Variants in DPM1 observed in about 807,000 individuals in gnomAD.
DPM1 encodes the protein dolichyl-phosphate mannosyltransferase subunit 1, catalytic.
In DPM1, 27 loss-of-function variants were observed where a neutral mutation model predicts 39.0. That is an observed-to-expected ratio of 0.69 (90% CI 0.51 to 0.95). DPM1 has a LOEUF of 0.95. Among genes scored for constraint, DPM1 ranks in the 40% least tolerant of loss-of-function variants. DPM1 has a pLI of 0.00. For synonymous variants in DPM1, 124 were observed against 109.0 expected (o/e 1.14, Z -0.86); for missense variants, 307 against 315.6 (o/e 0.97, Z 0.21).
At chr20:50,941,809 C>T (rs1024386819) in intron 6 of DPM1, among the ~76,000 whole-genome samples, 1 of 152,052 alleles carries the variant, frequency 6.6e-6, no homozygotes, top group Admixed American at 6.6e-5. Context: ...TGAATGAGAC[C>T]ATTTCTACCA....
At chr20:50,956,681 GAACA>G (rs1986837876) in intron 1 of DPM1, among the ~76,000 whole-genome samples, 1 of 152,202 alleles carries the variant, frequency 6.6e-6, no homozygotes, top group Non-Finnish European at 1.5e-5. Context: ...TCCAAGAGTA[GAACA>G]ATGACTTTGG....
intron 7 of DPM1, among the ~76,000 whole-genome samples, chr20:50,939,359 T>C (rs2123077221): frequency 6.6e-6 from 1 of 151,378 alleles, no homozygotes; most frequent in East Asian, 2.0e-4. Context: ...ATCAGAGATC[T>C]TTTTTGTTTT....
At chr20:50,941,227 A>AAAATATATATATATATATATATATAT (rs751974533) in intron 6 of DPM1, 1 of 60,784 alleles carries the variant, frequency 1.6e-5, no homozygotes. Context: ...AAAAAAAGTG[A>AAAATATATATATATATATATATATAT]ATATATATAT....
At chr20:50,955,452 T>C (rs1240186267) in intron 1 of DPM1, among the ~76,000 whole-genome samples, 167 bp from the exon 2 acceptor site, 2 of 152,240 alleles carry the variant, frequency 1.3e-5, no homozygotes, top group African/African-American at 4.8e-5. Context: ...ATTTAGTACT[T>C]TACCTCCAAA....
chr20:50,941,127 A>C, intron 6 of DPM1, 194 bp from the exon 7 acceptor site: 1 of 634,314 alleles, frequency 1.6e-6, no homozygotes, highest in Non-Finnish European at 2.7e-6. Flanking sequence ...GGTGGCTCAC[A>C]CCTGTAATCC....
At chr20:50,948,602 T>G (rs779225695) in intron 3 of DPM1, 27 bp downstream of exon 3, 3 of 1,610,738 alleles carry the variant, frequency 1.9e-6, no homozygotes, top group Middle Eastern at 1.6e-4. Context: ...GCAGCAGGTG[T>G]GAGGGGTTAG....
In DPM1 at chr20:50,942,259, G is replaced by GCGTGTGCCACCA; in HGVS notation, c.399-134_399-133insTGGTGGCACACG. 4 of 810,032 alleles carry GCGTGTGCCACCA rather than the reference G, an allele frequency of 4.9e-6. No homozygotes were observed. In the South Asian group the frequency reaches 5.6e-5, roughly 11 times the overall value. The allele number at this position is 810,032 out of a possible 1,614,324, so 50.2% of individuals were successfully genotyped here. ...GCAGTGGCTCACGCCTGCAATCCTA[G>GCGTGTGCCACCA]CACTTTGGGAGGCCGAGGCGGGTGG... On this transcript the variant is annotated intron_variant, in intron 5 of 8. Coordinates refer to ENST00000371588, the MANE Select transcript of DPM1 (RefSeq NM_003859.3).
intron 2 of DPM1, among the ~76,000 whole-genome samples, chr20:50,954,631 A>C (rs1350620292): frequency 6.6e-6 from 1 of 152,248 alleles, no homozygotes; most frequent in Non-Finnish European, 1.5e-5. Context: ...ACAAGTTTCA[A>C]GGTACAGTGG....
chr20:50,958,559 GT>G (rs776033181), upstream of DPM1: 1 of 1,612,176 alleles, frequency 6.2e-7, no homozygotes, highest in Non-Finnish European at 8.5e-7. Flanking sequence ...GCGGAATTAC[GT>G]AATGTGGCGC....
At chr20:50,941,317 ATAT>A (rs1236107786) in intron 6 of DPM1, 8 of 143,028 alleles carry the variant, frequency 5.6e-5, no homozygotes, top group African/African-American at 1.8e-4. Context: ...ATGTATATTC[ATAT>A]TATATATTCA....
intron 2 of DPM1, among the ~76,000 whole-genome samples, chr20:50,949,101 C>T (rs1437398968): frequency 1.3e-5 from 2 of 152,100 alleles, no homozygotes; most frequent in Admixed American, 6.5e-5. Flanking sequence ...CCTCGTGATC[C>T]GCCCGCCTCG....
chr20:50,937,571 T>C (rs975101232), intron 7 of DPM1, among the ~76,000 whole-genome samples: 9 of 152,100 alleles, frequency 5.9e-5, no homozygotes, highest in Admixed American at 5.9e-4. Context: ...AGAACTATGA[T>C]ACTGATGGGA....
chr20:50,940,152 T>A (rs1985601040), intron 7 of DPM1, among the ~76,000 whole-genome samples: 1 of 151,394 alleles, frequency 6.6e-6, no homozygotes, highest in Admixed American at 6.6e-5. Flanking sequence ...GGACCTAGAT[T>A]TTCCTGCATT....
chr20:50,943,806 C>T (rs1180616923), intron 5 of DPM1, among the ~76,000 whole-genome samples: 1 of 145,688 alleles, frequency 6.9e-6, no homozygotes, highest in Non-Finnish European at 1.5e-5. Context: ...GTGGCGCGAT[C>T]TTGGCTCACT....
Position 50,935,166 on chromosome 20 carries a change from A to G in DPM1, c.749T>C (p.Leu250Ser). ...AGCAAAAAGAGTCAATAATCCTTTC[A>G]AGAAAGATACTATTTCATTTCCTCC... ...KLGGNEIVSF[L>S]KGLLTLFATT The change falls in exon 9 of 9, where the codon TTG (leucine) becomes TCG (serine). Residue 250 changes from leucine to serine, a missense_variant. Transcript: ENST00000371588. The G allele has an allele frequency of 1.2e-6, 2 of 1,606,472 alleles. No homozygotes were observed. Among genetic ancestry groups the G allele is most frequent in the Non-Finnish European group, 1.7e-6 (2 of 1,173,532 alleles).
Position 50,958,475 on chromosome 20 carries a change from G to A in DPM1, c.49C>T (p.Leu17=). ...TTCTGTCGTGGACTGCGCACTTCCA[G>A]CTCCCGCCGAGACCTGCGAGGACTA... ...SRSPRRSRRE[L]EVRSPRQNKY... The change falls in exon 1 of 9, where the codon CTG becomes TTG. Residue 17 remains leucine, a synonymous_variant. Coordinates refer to ENST00000371588, the MANE Select transcript of DPM1 (RefSeq NM_003859.3). 3 of 1,613,996 alleles carry A rather than the reference G, an allele frequency of 1.9e-6. No individual in the cohort carries two copies. The highest frequency in any genetic ancestry group is 2.7e-5 in the African/African-American group (2 of 75,046).
chr20:50,956,249 T>C (rs1194929273), intron 1 of DPM1, among the ~76,000 whole-genome samples: 1 of 152,156 alleles, frequency 6.6e-6, no homozygotes. Context: ...AACACAATAC[T>C]TGGTGGATAA....
rs73909846 is a variant in DPM1 at position 50,953,232 on chromosome 20, T to C, written c.261+1954A>G. ...AGCACTGTGAATAGTTCAGAGTAAGTGCCCCCAATTTCTCTATGGTCCTAC... is the reference window on the plus strand; with the variant it reads ...AGCACTGTGAATAGTTCAGAGTAAGCGCCCCCAATTTCTCTATGGTCCTAC... On this transcript the variant is annotated intron_variant, in intron 2 of 8. Coordinates refer to ENST00000371588, the MANE Select transcript of DPM1 (RefSeq NM_003859.3). Among the ~76,000 whole-genome samples, 521 of 152,326 alleles carry C rather than the reference T, an allele frequency of 3.4e-3. 5 individuals carry two copies. The highest frequency in any genetic ancestry group is 0.012 in the African/African-American group (499 of 41,568).
chr20:50,943,326 C>G (rs1986017098), intron 5 of DPM1, among the ~76,000 whole-genome samples: 1 of 152,220 alleles, frequency 6.6e-6, no homozygotes, highest in African/African-American at 2.4e-5. Context: ...ACCCTCTCAA[C>G]CACAATAAAC....
Sources: gnomAD v4.1 joint callset for allele counts (sites outside exome capture counted in the v4.1 genomes callset) on GRCh38, gnomAD v4.1.1 for gene constraint, MANE v1.5 for transcripts, NCBI Gene and HGNC (gene_info 2026-07-23, HGNC 2026-07-21) for gene names.